The following DPYD variants were observed in gnomAD, a reference collection of about 807,000 sequenced individuals.
The protein encoded by DPYD is dihydropyrimidine dehydrogenase.
DPYD carries 109 observed loss-of-function variants against 116.2 expected under a neutral mutation model. The ratio of observed to expected loss-of-function variants is 0.94; its 90% CI spans 0.80 to 1.10. DPYD has a LOEUF of 1.10. Ranked by LOEUF, DPYD falls within the 50% of genes least tolerant of loss-of-function variation. DPYD has a pLI of 0.00. For synonymous variants in DPYD, 440 were observed against 432.0 expected (o/e 1.02, Z -0.23); for missense variants, 1,302 against 1,254.5 (o/e 1.04, Z -0.57).
chr1:97,224,042 A>G (rs1660953003), intron 19 of DPYD, among the ~76,000 whole-genome samples: 1 of 152,022 alleles, frequency 6.6e-6, no homozygotes, highest in Non-Finnish European at 1.5e-5. Flanking sequence ...TTTACTGATA[A>G]TTTTCATCTG....
chr1:97,753,552 C>T (rs1027984257), intron 3 of DPYD, among the ~76,000 whole-genome samples: 21 of 152,104 alleles, frequency 1.4e-4, no homozygotes, highest in South Asian at 1.2e-3. Context: ...CCTGAAATAA[C>T]ACATTAAAAC....
At chr1:97,417,197 C>T (rs191598148) in intron 14 of DPYD, among the ~76,000 whole-genome samples, 1 of 152,288 alleles carries the variant, frequency 6.6e-6, no homozygotes, top group African/African-American at 2.4e-5. Context: ...TAAGTAACCT[C>T]TGTGACCCTC....
At chr1:97,482,850 T>C (rs1678401441) in intron 13 of DPYD, among the ~76,000 whole-genome samples, 1 of 152,138 alleles carries the variant, frequency 6.6e-6, no homozygotes, top group African/African-American at 2.4e-5. Flanking sequence ...AGCAAATTTA[T>C]TCTCCTCCAA....
intron 8 of DPYD, among the ~76,000 whole-genome samples, chr1:97,605,767 C>T (rs1044283684): frequency 3.3e-5 from 5 of 152,008 alleles, no homozygotes; most frequent in Non-Finnish European, 4.4e-5. Flanking sequence ...ATGATAATTG[C>T]TTAGCATACT....
At chr1:97,508,417 A>C (rs1647520665) in intron 13 of DPYD, among the ~76,000 whole-genome samples, 1 of 152,044 alleles carries the variant, frequency 6.6e-6, no homozygotes, top group East Asian at 1.9e-4. Context: ...TGTGGCTGGC[A>C]AAAAATTGGC....
At chr1:97,079,276 G>A (rs889093685) in intron 22 of DPYD, 130 bp from the exon 23 acceptor site, 2 of 863,106 alleles carry the variant, frequency 2.3e-6, no homozygotes, top group African/African-American at 1.7e-5. Context: ...GCTCTATGGT[G>A]CAACTATAGC....
rs144673589 is a variant in DPYD at position 97,139,470 on chromosome 1, G to A, written c.2623-40838C>T. On this transcript the variant is annotated intron_variant, in intron 20 of 22. Coordinates refer to ENST00000370192, the MANE Select transcript of DPYD (RefSeq NM_000110.4). ...CACTCATAAGTTTAGATATGCAAAAGAAAATGAAACAGTATTAAACCCCAA... is the reference window on the plus strand; with the variant it reads ...CACTCATAAGTTTAGATATGCAAAAAAAAATGAAACAGTATTAAACCCCAA... 5.5e-3 allele frequency among the ~76,000 whole-genome samples: 839 copies of A among 152,146 alleles called. 8 individuals are homozygous for A. Among genetic ancestry groups the A allele is most frequent in the Non-Finnish European group, 7.8e-3 (529 of 67,964 alleles).
In DPYD at chr1:97,384,246, G is replaced by GAAA. The variant is rs11286049; in HGVS notation, c.1906-1788_1906-1786dup. Among the ~76,000 whole-genome samples, 163 of 138,542 alleles carry GAAA rather than the reference G, an allele frequency of 1.2e-3. 1 individual carries two copies. The highest frequency in any genetic ancestry group is 3.8e-3 in the Middle Eastern group (1 of 266). 90.9% of individuals were successfully genotyped at this position (138,542 alleles called of 152,430 possible). On this transcript the variant is annotated intron_variant, in intron 14 of 22. Coordinates refer to ENST00000370192, the MANE Select transcript of DPYD (RefSeq NM_000110.4). ...CATAGAGCTTTTTTATTTACTTTGA[G>GAAA]AAAAAAAAAAAAAAAGATATGCTGT...
chr1:97,451,247 G>A (rs1165755660), intron 13 of DPYD, among the ~76,000 whole-genome samples: 1 of 152,040 alleles, frequency 6.6e-6, no homozygotes, highest in East Asian at 1.9e-4. Flanking sequence ...TAGATAGACA[G>A]GAAACCTTAA....
In DPYD at chr1:97,094,406, G is replaced by A. The variant is rs1290834546; in HGVS notation, c.2766+4083C>T. Among the ~76,000 whole-genome samples the A allele has an allele frequency of 2.0e-5, 3 of 152,114 alleles. No homozygotes were observed. The East Asian group carries it at 5.8e-4, about 29-fold the overall frequency. ...GTTTTAGAATTCCAGGAAAGAATAC[G>A]TAAGCAACACACTGAGGCCTCAGCA... On this transcript the variant is annotated intron_variant, in intron 21 of 22. Transcript: ENST00000370192.
At chr1:97,702,731 T>C (rs2100980538) in intron 5 of DPYD, among the ~76,000 whole-genome samples, 1 of 152,008 alleles carries the variant, frequency 6.6e-6, no homozygotes, top group Non-Finnish European at 1.5e-5. Context: ...CTGAACAAAT[T>C]CTAGCTAATG....
In DPYD at chr1:97,269,137, A is replaced by T. The variant is rs192754898; in HGVS notation, c.2300-34143T>A. Among the ~76,000 whole-genome samples, 169 of 152,258 alleles carry T rather than the reference A, an allele frequency of 1.1e-3. 1 individual carries two copies. The highest frequency in any genetic ancestry group is 3.7e-3 in the African/African-American group (154 of 41,548). On this transcript the variant is annotated intron_variant, in intron 18 of 22. Transcript: ENST00000370192. ...CCACGAAATCCTAGAACATAGACACAATTCTACCACATTTTTTTTTGCAAC... is the reference window on the plus strand; with the variant it reads ...CCACGAAATCCTAGAACATAGACACTATTCTACCACATTTTTTTTTGCAAC...
rs75760096 is a variant in DPYD, at chr1:97,167,007, T to A, written c.2622+26062A>T. Among the ~76,000 whole-genome samples the A allele has an allele frequency of 3.5e-3, 526 of 152,310 alleles. 15 individuals are homozygous for A. In the East Asian group the frequency reaches 0.082, roughly 24 times the overall value. ...TTAATCACTTCAGAGAGTATATTAA[T>A]GCTAAATTCAGAAATAGGAATTTTT... On this transcript the variant is annotated intron_variant, in intron 20 of 22. Coordinates refer to ENST00000370192, the MANE Select transcript of DPYD (RefSeq NM_000110.4).
intron 16 of DPYD, among the ~76,000 whole-genome samples, chr1:97,334,629 A>G (rs1669191516): frequency 6.6e-6 from 1 of 152,224 alleles, no homozygotes; most frequent in Non-Finnish European, 1.5e-5. Flanking sequence ...CAAAGCAATG[A>G]AAAGAATGTT....
At chr1:97,440,497 C>A (rs1675719308) in intron 14 of DPYD, among the ~76,000 whole-genome samples, 1 of 151,764 alleles carries the variant, frequency 6.6e-6, no homozygotes, top group Non-Finnish European at 1.5e-5. Context: ...TTGGCTATAA[C>A]TCTTTGAGGC....
chr1:97,307,966 A>G (rs1558016493), intron 16 of DPYD, among the ~76,000 whole-genome samples: 4 of 151,910 alleles, frequency 2.6e-5, no homozygotes, highest in African/African-American at 9.7e-5. Flanking sequence ...AATAATTTAA[A>G]GATCACTTGA....
chr1:97,094,540 A>G (rs527635791), intron 21 of DPYD, among the ~76,000 whole-genome samples: 103 of 152,260 alleles, frequency 6.8e-4, no homozygotes, highest in Non-Finnish European at 1.1e-3. Flanking sequence ...GCTGAACTGC[A>G]GCTTTTTGAG....
intron 3 of DPYD, among the ~76,000 whole-genome samples, chr1:97,805,581 T>G (rs2101356187): frequency 6.6e-6 from 1 of 151,780 alleles, no homozygotes; most frequent in African/African-American, 2.4e-5. Context: ...CTAGGCATAA[T>G]GTAGTAAGTC....
chr1:97,087,117 T>C (rs1302652331), intron 21 of DPYD, among the ~76,000 whole-genome samples: 8 of 152,204 alleles, frequency 5.3e-5, no homozygotes, highest in African/African-American at 1.9e-4. Flanking sequence ...ATGACGTTTG[T>C]AGGATTCCTT....
Sources: gnomAD v4.1 joint callset for allele counts (sites outside exome capture counted in the v4.1 genomes callset) on GRCh38, gnomAD v4.1.1 for gene constraint, MANE v1.5 for transcripts, NCBI Gene and HGNC (gene_info 2026-07-23, HGNC 2026-07-21) for gene names.